RAB3C: variants seen among roughly 807,000 people sequenced by gnomAD.
RAB3C encodes RAB3C, member RAS oncogene family.
RAB3C carries 17 observed loss-of-function variants against 26.4 expected under a neutral mutation model. That is an observed-to-expected ratio of 0.64 (90% CI 0.44 to 0.97). The LOEUF is 0.97. RAB3C is among the 50% of genes least tolerant of loss of function. The pLI is 0.00. For missense variants in RAB3C, 242 were observed against 281.9 expected (o/e 0.86, Z 1.01); for synonymous variants, 91 against 95.9 (o/e 0.95, Z 0.30).
chr5:58,758,708 A>G (rs1313252304), intron 3 of RAB3C, among the ~76,000 whole-genome samples: 1 of 152,184 alleles, frequency 6.6e-6, no homozygotes, highest in African/African-American at 2.4e-5. Context: ...AAAAGTAAAC[A>G]TAAACACCAG....
At chr5:58,670,396 A>G (rs1224320623) in intron 2 of RAB3C, among the ~76,000 whole-genome samples, 2 of 152,288 alleles carry the variant, frequency 1.3e-5, no homozygotes, top group Admixed American at 6.5e-5. Context: ...TTTGTGCTCA[A>G]CATCTAAAGA....
At chr5:58,823,967 C>G (rs911202480) in intron 3 of RAB3C, among the ~76,000 whole-genome samples, 1 of 148,610 alleles carries the variant, frequency 6.7e-6, no homozygotes, top group Non-Finnish European at 1.5e-5. Context: ...TGAGTGAGAA[C>G]ATGCGGTGTT....
intron 2 of RAB3C, among the ~76,000 whole-genome samples, chr5:58,657,361 T>A: frequency 6.7e-6 from 1 of 148,866 alleles, no homozygotes; most frequent in Non-Finnish European, 1.5e-5. Flanking sequence ...TGTAACCAAA[T>A]ACCACCTATA....
At chr5:58,804,701 G>A (rs1742894914) in intron 3 of RAB3C, among the ~76,000 whole-genome samples, 1 of 151,680 alleles carries the variant, frequency 6.6e-6, no homozygotes, top group Admixed American at 6.6e-5. Flanking sequence ...ATGTATGTAT[G>A]TATCATTAAA....
intron 3 of RAB3C, among the ~76,000 whole-genome samples, chr5:58,739,277 C>G (rs1210210704): frequency 6.6e-6 from 1 of 152,180 alleles, no homozygotes; most frequent in Non-Finnish European, 1.5e-5. Context: ...TGCACTCAAT[C>G]ACTGCATTGT....
chr5:58,620,841 T>C (rs985196167), intron 2 of RAB3C, among the ~76,000 whole-genome samples: 3 of 152,184 alleles, frequency 2.0e-5, no homozygotes, highest in Non-Finnish European at 2.9e-5. Context: ...TGAAATGTTT[T>C]TGAAAGAGTT....
At chr5:58,797,173 T>A (rs751579345) in intron 3 of RAB3C, among the ~76,000 whole-genome samples, 54 of 151,596 alleles carry the variant, frequency 3.6e-4, no homozygotes, top group Non-Finnish European at 7.4e-4. Context: ...CATTAGTGGC[T>A]ATGTGTACTT....
chr5:58,734,247 G>A (rs1407322394), intron 3 of RAB3C, among the ~76,000 whole-genome samples: 1 of 151,770 alleles, frequency 6.6e-6, no homozygotes, highest in East Asian at 1.9e-4. Flanking sequence ...ACTACATAGT[G>A]GTCTTAAATT....
chr5:58,833,027 T>G (rs1274108662), intron 4 of RAB3C, among the ~76,000 whole-genome samples: 1 of 152,188 alleles, frequency 6.6e-6, no homozygotes, highest in African/African-American at 2.4e-5. Flanking sequence ...CTCAATTTTT[T>G]TTTCAGTTAT....
In RAB3C at chr5:58,660,833, C is replaced by T. The variant is rs188714565; in HGVS notation, c.252+42963C>T. On this transcript the variant is annotated intron_variant, in intron 2 of 4. Coordinates refer to ENST00000282878, the MANE Select transcript of RAB3C (RefSeq NM_138453.4). ...GAAAAAAGAGAGAGCATGGAGAGGG[C>T]GCACTCTTACCTGGCATGGACTGAA... is the stretch of plus-strand genomic sequence containing the variant. 9.3e-5 allele frequency among the ~76,000 whole-genome samples: 14 copies of T among 150,146 alleles called. 1 individual carries two copies. Among genetic ancestry groups the T allele is most frequent in the African/African-American group, 1.5e-4 (6 of 39,560 alleles).
At chr5:58,771,260 A>T (rs550705186) in intron 3 of RAB3C, among the ~76,000 whole-genome samples, 1 of 147,162 alleles carries the variant, frequency 6.8e-6, no homozygotes, top group South Asian at 2.2e-4. Flanking sequence ...AAGAATATGA[A>T]TAAATAATTT....
At chr5:58,805,559 C>A in intron 3 of RAB3C, among the ~76,000 whole-genome samples, 1 of 135,098 alleles carries the variant, frequency 7.4e-6, no homozygotes, top group Non-Finnish European at 1.5e-5. Flanking sequence ...CACTCCACTC[C>A]AGCCTGGGTG....
chr5:58,845,612 A>ATATATATATATATG, intron 4 of RAB3C, among the ~76,000 whole-genome samples: 5 of 81,726 alleles, frequency 6.1e-5, no homozygotes, highest in Admixed American at 2.4e-4. Flanking sequence ...ATATATATAT[A>ATATATATATATATG]TGTGTGTGTG....
At chr5:58,695,428 A>G (rs1405364819) in intron 2 of RAB3C, among the ~76,000 whole-genome samples, 1 of 152,120 alleles carries the variant, frequency 6.6e-6, no homozygotes, top group African/African-American at 2.4e-5. Context: ...TTCCATATGA[A>G]CTTTAAAGTA....
At chr5:58,839,146 T>C (rs1045691020) in intron 4 of RAB3C, among the ~76,000 whole-genome samples, 43 of 152,118 alleles carry the variant, frequency 2.8e-4, no homozygotes, top group Non-Finnish European at 5.0e-4. Flanking sequence ...CCTTGATTTT[T>C]TTTTAATCTA....
intron 3 of RAB3C, among the ~76,000 whole-genome samples, chr5:58,769,702 C>G (rs1364696500): frequency 6.6e-6 from 1 of 152,086 alleles, no homozygotes; most frequent in Admixed American, 6.6e-5. Context: ...TAACTGCTAC[C>G]AGGAGGTGAA....
Position 58,806,469 on chromosome 5 carries a change from A to G in RAB3C, c.372-18569A>G, listed in dbSNP as rs527627476. Among the ~76,000 whole-genome samples the G allele has an allele frequency of 2.4e-4, 37 of 152,344 alleles. 1 individual carries two copies. The South Asian group carries it at 7.2e-3, about 30-fold the overall frequency. On this transcript the variant is annotated intron_variant, in intron 3 of 4. Transcript: ENST00000282878. ...CATTTAGTATTAAACAGTGCTCATCAAACTGTACTACTTCATACCAAGATG... is the reference window on the plus strand; with the variant it reads ...CATTTAGTATTAAACAGTGCTCATCGAACTGTACTACTTCATACCAAGATG...
At chr5:58,744,599 C>T (rs535838547) in intron 3 of RAB3C, among the ~76,000 whole-genome samples, 5 of 152,234 alleles carry the variant, frequency 3.3e-5, no homozygotes, top group South Asian at 4.1e-4. Context: ...GACATAACTG[C>T]GTAGAAAAGA....
intron 3 of RAB3C, among the ~76,000 whole-genome samples, chr5:58,763,465 G>A (rs1022788331): frequency 1.3e-5 from 2 of 152,188 alleles, no homozygotes; most frequent in African/African-American, 4.8e-5. Flanking sequence ...TGGATATACA[G>A]AGAGTAAGCA....
Sources: allele counts gnomAD v4.1 joint callset (sites outside exome capture counted in the v4.1 genomes callset), GRCh38; gene constraint gnomAD v4.1.1; transcripts MANE v1.5; gene names NCBI Gene and HGNC (gene_info 2026-07-23, HGNC 2026-07-21).